The following ADAM23 variants were observed in gnomAD, a reference collection of about 807,000 sequenced individuals.
ADAM23 encodes disintegrin and metalloproteinase domain-containing protein 23.
In ADAM23, 33 loss-of-function variants were observed where a neutral mutation model predicts 120.1. The ratio of observed to expected loss-of-function variants is 0.27; its 90% CI spans 0.21 to 0.37. The LOEUF (loss-of-function observed/expected upper bound fraction) is 0.37. Among genes scored for constraint, ADAM23 ranks in the 10% least tolerant of loss-of-function variants. The pLI, the probability that ADAM23 is intolerant of heterozygous loss-of-function variation, is 1.00. For missense variants in ADAM23, 862 were observed against 1,058.2 expected, an observed-to-expected ratio of 0.81 and a Z score of 2.57; for synonymous variants, 367 against 375.2, an observed-to-expected ratio of 0.98 and a Z score of 0.25.
At position 206,564,974 on chromosome 2, in the gene ADAM23, T is replaced by G; in HGVS notation, c.1346-46T>G. The stretch of plus-strand genomic sequence containing the variant: ...AATACCAAAAAAATATGTGACTTTC[T>G]TTGTTTCCTTTTTCTTCTGTTGCTT... On this transcript the variant is annotated intron_variant, in intron 13 of 25. Coordinates refer to ENST00000264377, the MANE Select transcript of ADAM23 (RefSeq NM_003812.4). 4 of 1,606,584 alleles carry G rather than the reference T, an allele frequency of 2.5e-6. No individual in the cohort carries two copies. The South Asian group carries it at 4.4e-5, about 18-fold the overall frequency.
intron 12 of ADAM23, among the ~76,000 whole-genome samples, chr2:206,561,840 G>A (rs1051306523): frequency 2.0e-5 from 3 of 152,144 alleles, no homozygotes; most frequent in Admixed American, 6.5e-5. Context: ...GAATAATATT[G>A]GAGTATATTA....
chr2:206,585,787 A>G (rs1698310219), intron 18 of ADAM23, among the ~76,000 whole-genome samples: 2 of 152,188 alleles, frequency 1.3e-5, no homozygotes, highest in Non-Finnish European at 2.9e-5. Context: ...AGTAAAACTT[A>G]TGAATTGTCA....
chr2:206,601,319 C>A (rs527593972), intron 24 of ADAM23, among the ~76,000 whole-genome samples: 5 of 152,092 alleles, frequency 3.3e-5, no homozygotes, highest in Non-Finnish European at 7.4e-5. Flanking sequence ...ATGAAAAGGG[C>A]CTTAGAAAGA....
Position 206,542,094 on chromosome 2 carries a change from A to C in ADAM23, c.616A>C (p.Lys206Gln), listed in dbSNP as rs1196780774. 1 of 1,614,226 alleles carries C rather than the reference A, an allele frequency of 6.2e-7. No homozygotes were observed. Among genetic ancestry groups the C allele is most frequent in the Admixed American group, 1.7e-5 (1 of 60,030 alleles). ...CYYHGSIRGV[K>Q]DSKVALSTCN... ...CTACCATGGAAGCATCAGAGGCGTCAAAGACTCCAAGGTGGCTCTGTCAAC... is the reference window on the plus strand; with the variant it reads ...CTACCATGGAAGCATCAGAGGCGTCCAAGACTCCAAGGTGGCTCTGTCAAC... The change falls in exon 5 of 26, where the codon AAA becomes CAA. Residue 206 changes from lysine to glutamine, a missense_variant. Physicochemically the swap from Lys to Gln is moderately conservative, Grantham distance 53 (BLOSUM62 1). Around this residue, in one of 4 missense-constraint regions of ADAM23, gnomAD observed 617 missense variants for 813.5 expected, o/e 0.76. Coordinates refer to ENST00000264377, the MANE Select transcript of ADAM23 (RefSeq NM_003812.4).
Position 206,556,748 on chromosome 2 carries a change from T to A in ADAM23, c.934-679T>A, listed in dbSNP as rs372668738. Among the ~76,000 whole-genome samples the A allele has an allele frequency of 1.2e-4, 18 of 152,322 alleles. No homozygotes were observed. In the East Asian group the frequency reaches 1.7e-3, roughly 15 times the overall value. On this transcript the variant is annotated intron_variant, in intron 9 of 25. Coordinates refer to ENST00000264377, the MANE Select transcript of ADAM23 (RefSeq NM_003812.4). ...CACTTCATTTTTACTTTTTGTCTTC[T>A]CTTTGTTTTGACTTTGAGCAGTCAA...
chr2:206,612,699 C>A (rs1301916141), intron 25 of ADAM23, among the ~76,000 whole-genome samples: 1 of 152,194 alleles, frequency 6.6e-6, no homozygotes, highest in African/African-American at 2.4e-5. Flanking sequence ...TACAGCTATG[C>A]TCTAAGCCCT....
intron 18 of ADAM23, among the ~76,000 whole-genome samples, chr2:206,573,462 A>G (rs570437943): frequency 3.3e-5 from 5 of 152,248 alleles, no homozygotes; most frequent in African/African-American, 4.8e-5. Context: ...GTTTCTGTAC[A>G]TTGAACCATT....
intron 3 of ADAM23, among the ~76,000 whole-genome samples, chr2:206,494,968 G>A (rs954224810): frequency 3.3e-5 from 5 of 151,986 alleles, no homozygotes; most frequent in African/African-American, 7.3e-5. Context: ...AAAAAGAAAC[G>A]AACAAAGCCT....
At chr2:206,587,752 A>T (rs1295283467) in intron 19 of ADAM23, among the ~76,000 whole-genome samples, 1 of 152,150 alleles carries the variant, frequency 6.6e-6, no homozygotes, top group Admixed American at 6.5e-5. Flanking sequence ...TCATGATGTC[A>T]AATGCAGATT....
intron 3 of ADAM23, among the ~76,000 whole-genome samples, chr2:206,515,488 A>AT (rs542050933): frequency 2.9e-3 from 435 of 152,262 alleles, no homozygotes; most frequent in South Asian, 0.011. Flanking sequence ...GTCCTTCCAT[A>AT]GAAAAAAACA....
intron 3 of ADAM23, among the ~76,000 whole-genome samples, chr2:206,484,780 A>G (rs1018108070): frequency 5.3e-5 from 8 of 152,164 alleles, no homozygotes; most frequent in African/African-American, 1.9e-4. Context: ...TTTGAATTGT[A>G]GCTTTCATAA....
intron 3 of ADAM23, among the ~76,000 whole-genome samples, chr2:206,487,752 G>A (rs981883015): frequency 5.9e-5 from 9 of 152,190 alleles, no homozygotes; most frequent in African/African-American, 2.2e-4. Flanking sequence ...ATGCCTTCTT[G>A]GTTAAAAAGG....
intron 25 of ADAM23, among the ~76,000 whole-genome samples, chr2:206,615,690 G>A (rs1173082159): frequency 6.6e-6 from 1 of 152,328 alleles, no homozygotes; most frequent in East Asian, 1.9e-4. Flanking sequence ...AGTTCTGCAG[G>A]ATGGCTCAGC....
Position 206,596,095 on chromosome 2 carries a change from A to G in ADAM23, c.2292A>G (p.Ala764=). The G allele has an allele frequency of 3.1e-6, 5 of 1,614,020 alleles. No homozygotes were observed. The highest frequency in any genetic ancestry group is 4.2e-6 in the Non-Finnish European group (5 of 1,179,928). The change falls in exon 24 of 26, where the codon GCA becomes GCG. Residue 764 remains alanine, a synonymous_variant. Coordinates refer to ENST00000264377, the MANE Select transcript of ADAM23 (RefSeq NM_003812.4). ...EATCICDFTW[A]GTDCSIRDPV... is the part of the protein sequence containing the mutation. ...CCTGCATTTGTGATTTCACCTGGGC[A>G]GGGACAGATTGCAGTATCCGGGATC...
chr2:206,504,912 A>G (rs1696465370), intron 3 of ADAM23, among the ~76,000 whole-genome samples: 2 of 152,348 alleles, frequency 1.3e-5, no homozygotes, highest in African/African-American at 2.4e-5. Flanking sequence ...GTCTGTACCT[A>G]AATATTTCAG....
intron 6 of ADAM23, among the ~76,000 whole-genome samples, chr2:206,546,302 A>G (rs1697395005): frequency 2.6e-5 from 4 of 152,098 alleles, no homozygotes; most frequent in African/African-American, 9.7e-5. Context: ...TTCACCTTTT[A>G]CCAGAATTTA....
chr2:206,476,439 T>A (rs1199744277), intron 2 of ADAM23, among the ~76,000 whole-genome samples: 1 of 152,156 alleles, frequency 6.6e-6, no homozygotes, highest in Non-Finnish European at 1.5e-5. Flanking sequence ...AGGTGAGTGG[T>A]GGGTGAGTGA....
chr2:206,509,178 T>C (rs536711281), intron 3 of ADAM23, among the ~76,000 whole-genome samples: 20 of 152,286 alleles, frequency 1.3e-4, no homozygotes, highest in African/African-American at 4.8e-4. Flanking sequence ...ATAATGTTTT[T>C]GGAAAAGTGA....
chr2:206,537,628 C>A (rs1285637801), intron 4 of ADAM23, among the ~76,000 whole-genome samples: 2 of 151,986 alleles, frequency 1.3e-5, no homozygotes, highest in Admixed American at 6.6e-5. Context: ...TTTTTTAAAT[C>A]TATTTTCCCT....
Sources: allele counts gnomAD v4.1 joint callset (sites outside exome capture counted in the v4.1 genomes callset), GRCh38; gene constraint gnomAD v4.1.1; regional missense constraint gnomAD v4.1.1; transcripts MANE v1.5; gene names NCBI Gene and HGNC (gene_info 2026-07-23, HGNC 2026-07-21).